The following ZNF30 variants were observed in gnomAD, a reference collection of about 807,000 sequenced individuals.
The protein encoded by ZNF30 is zinc finger protein 30 (KOX 28).
A neutral mutation model predicts 13.2 loss-of-function variants in ZNF30; 15 were observed. That is an observed-to-expected ratio of 1.13 (90% CI 0.76 to 1.75). The LOEUF (loss-of-function observed/expected upper bound fraction) is 1.75, where lower values mean the gene tolerates loss of function less well. Ranked by LOEUF, ZNF30 falls within the 40% of genes most tolerant of loss-of-function variation. ZNF30 has a pLI of 0.00. For synonymous variants in ZNF30, 223 were observed against 256.6 expected, an observed-to-expected ratio of 0.87 and a Z score of 1.25; for missense variants, 726 against 757.0, an observed-to-expected ratio of 0.96 and a Z score of 0.48.
chr19:34,937,605 G>T (rs73593656), intron 4 of ZNF30, among the ~76,000 whole-genome samples: 5,600 of 151,946 alleles, frequency 0.037, 325 homozygotes, highest in African/African-American at 0.13. Context: ...ATAGAGTCAT[G>T]CCCCTGTAGT....
intron 4 of ZNF30, among the ~76,000 whole-genome samples, chr19:34,934,030 A>C (rs1487337089): frequency 1.3e-5 from 2 of 151,784 alleles, no homozygotes; most frequent in Non-Finnish European, 2.9e-5. Flanking sequence ...CCTCTTTTAC[A>C]TTTGGATTTA....
intron 4 of ZNF30, among the ~76,000 whole-genome samples, chr19:34,937,925 A>T (rs566428556): frequency 2.9e-4 from 44 of 152,172 alleles, no homozygotes; most frequent in African/African-American, 1.1e-3. Context: ...CCTCTTGAGT[A>T]GCTGGGACTA....
At chr19:34,934,630 G>T (rs1441196711) in intron 4 of ZNF30, among the ~76,000 whole-genome samples, 1 of 151,978 alleles carries the variant, frequency 6.6e-6, no homozygotes, top group Non-Finnish European at 1.5e-5. Context: ...TCCAATTTTT[G>T]AATTTTAGAA....
rs376465997 is a variant in ZNF30 at position 34,943,635 on chromosome 19, G to A, written c.669G>A (p.Lys223=). 5 of 1,613,722 alleles carry A rather than the reference G, an allele frequency of 3.1e-6. No individual in the cohort carries two copies. The highest frequency in any genetic ancestry group is 4.2e-6 in the Non-Finnish European group (5 of 1,179,806). Residue 223 remains lysine, a synonymous_variant, in exon 5 of 5, where the codon AAG becomes AAA. Transcript: ENST00000601142. ...ISGSYQLTVH[K]SIHTGKKPYE... The stretch of plus-strand genomic sequence containing the variant: ...GTAGCTATCAACTTACAGTACATAA[G>A]AGTATTCATACTGGGAAGAAACCAT...
At chr19:34,930,043 A>T in intron 2 of ZNF30, 87 bp downstream of exon 2, 3 of 1,331,664 alleles carry the variant, frequency 2.3e-6, no homozygotes, top group Non-Finnish European at 2.1e-6. Context: ...CTTCATCAGA[A>T]TGTACCATCT....
At chr19:34,939,332 C>T (rs1051919050) in intron 4 of ZNF30, among the ~76,000 whole-genome samples, 2 of 151,978 alleles carry the variant, frequency 1.3e-5, no homozygotes, top group African/African-American at 4.8e-5. Context: ...CAGGCATGCA[C>T]CACCACACTG....
upstream of ZNF30, among the ~76,000 whole-genome samples, chr19:34,924,670 A>G (rs906961647): frequency 5.3e-5 from 8 of 152,190 alleles, no homozygotes; most frequent in Non-Finnish European, 1.0e-4. Flanking sequence ...TCCGATTGAC[A>G]TGAATTGGGT....
At chr19:34,937,809 A>T (rs745419172) in intron 4 of ZNF30, among the ~76,000 whole-genome samples, 1 of 151,826 alleles carries the variant, frequency 6.6e-6, no homozygotes, top group Non-Finnish European at 1.5e-5. Context: ...ATATATATAT[A>T]TTTTTTCAAG....
intron 4 of ZNF30, among the ~76,000 whole-genome samples, chr19:34,937,183 T>G (rs907401290): frequency 2.0e-5 from 3 of 151,974 alleles, no homozygotes; most frequent in African/African-American, 7.2e-5. Flanking sequence ...GACTAATTTT[T>G]TATATTTTTA....
intron 2 of ZNF30, 27 bp from the exon 3 acceptor site, chr19:34,931,816 T>G: frequency 6.2e-7 from 1 of 1,603,882 alleles, no homozygotes; most frequent in Non-Finnish European, 8.5e-7. Context: ...CCTTTCACCT[T>G]GAAAGCATTT....
chr19:34,943,625 C>A lies in ZNF30; in HGVS notation c.659C>A (p.Thr220Lys). ...GKTISGSYQLTVHKSIHTGKK... is the reference protein window; with the variant it reads ...GKTISGSYQLKVHKSIHTGKK... Reference sequence around the variant, plus strand: ...ACTATTAGTGGTAGCTATCAACTTACAGTACATAAGAGTATTCATACTGGG... The same window carrying A: ...ACTATTAGTGGTAGCTATCAACTTAAAGTACATAAGAGTATTCATACTGGG... The change falls in exon 5 of 5, where the codon ACA becomes AAA. Residue 220 changes from threonine (T) to lysine (K), a missense_variant. Physicochemically the swap from Thr to Lys is moderately conservative, Grantham distance 78. Transcript: ENST00000601142. 6.2e-7 allele frequency: 1 copy of A among 1,613,680 alleles called. No individual in the cohort carries two copies. The highest frequency in any genetic ancestry group is 8.5e-7 in the Non-Finnish European group (1 of 1,179,790).
intron 1 of ZNF30, among the ~76,000 whole-genome samples, chr19:34,928,220 A>AAATATATATATATATATATATAT (rs1555778254): frequency 1.4e-5 from 1 of 73,412 alleles, no homozygotes; most frequent in Non-Finnish European, 2.6e-5. Flanking sequence ...AAAAAAAAAA[A>AAATATATATATATATATATATAT]ATATATATAT....
chr19:34,934,901 A>G (rs754260151), intron 4 of ZNF30, among the ~76,000 whole-genome samples: 10 of 152,134 alleles, frequency 6.6e-5, no homozygotes, highest in Non-Finnish European at 1.5e-4. Context: ...TGCACATTCT[A>G]CACACATATC....
In ZNF30 at chr19:34,944,029, C is replaced by A. The variant is rs1167652553; in HGVS notation, c.1063C>A (p.Leu355Ile). The change falls in exon 5 of 5, where the codon CTT (leucine) becomes ATT (isoleucine). Residue 355 changes from leucine to isoleucine, a missense_variant. Physicochemically the swap from Leu to Ile is conservative, Grantham distance 5 (BLOSUM62 2). Transcript: ENST00000601142. Reference protein sequence around the residue: ...ECKECGKAFRLSSFLHAHQRI... With the variant: ...ECKECGKAFRISSFLHAHQRI... ...TAAGGAATGTGGAAAGGCCTTTAGA[C>A]TTAGTTCCTTCCTTCATGCACATCA... is the stretch of plus-strand genomic sequence containing the variant. 6 of 1,613,648 alleles carry A rather than the reference C, an allele frequency of 3.7e-6. No individual in the cohort carries two copies. Among genetic ancestry groups the A allele is most frequent in the Non-Finnish European group, 5.1e-6 (6 of 1,179,970 alleles).
Position 34,927,165 on chromosome 19 carries a change from C to T in ZNF30, c.-116C>T, listed in dbSNP as rs1409883089. ...CTTGAATTTCTGCAAACGAACACAG[C>T]ACCGGGAGCTCTGCAGACCTGTGTC... On this transcript the variant is annotated 5_prime_UTR_variant, in exon 1 of 5. Coordinates refer to ENST00000601142, the MANE Select transcript of ZNF30 (RefSeq NM_194325.3). 6 of 389,578 alleles carry T rather than the reference C, an allele frequency of 1.5e-5. No individual in the cohort carries two copies. The highest frequency in any genetic ancestry group is 6.4e-4 in the Middle Eastern group (1 of 1,572). 24.1% of individuals were successfully genotyped at this position (389,578 alleles called of 1,614,324 possible).
intron 1 of ZNF30, among the ~76,000 whole-genome samples, chr19:34,928,220 A>AAAAATATATATATATATATATAT (rs1555778254): frequency 1.4e-5 from 1 of 73,416 alleles, no homozygotes; most frequent in Non-Finnish European, 2.6e-5. Context: ...AAAAAAAAAA[A>AAAAATATATATATATATATATAT]ATATATATAT....
chr19:34,928,159 G>T (rs1415789878), intron 1 of ZNF30, among the ~76,000 whole-genome samples: 1 of 147,504 alleles, frequency 6.8e-6, no homozygotes, highest in Non-Finnish European at 1.5e-5. Context: ...AGTGAGTGGA[G>T]ATGGCACCAC....
intron 1 of ZNF30, among the ~76,000 whole-genome samples, chr19:34,928,256 G>GAT (rs1166347710): frequency 4.6e-5 from 2 of 43,914 alleles, no homozygotes; most frequent in African/African-American, 1.8e-4. Flanking sequence ...TATATATATA[G>GAT]ATAGATAGAT....
chr19:34,929,956 TG>T lies in ZNF30; in HGVS notation c.9+1del, dbSNP rs2012357505. 6.2e-7 allele frequency: 1 copy of T among 1,606,466 alleles called. No homozygotes were observed. Among genetic ancestry groups the T allele is most frequent in the African/African-American group, 1.3e-5 (1 of 74,804 alleles). Reference sequence around the variant, plus strand: ...CTTACAATTCTCAAAGCATGGCCCATGTAAGTTGGTGTTTCTTCTTGAAATA... The same window carrying T: ...CTTACAATTCTCAAAGCATGGCCCATTAAGTTGGTGTTTCTTCTTGAAATA... On this transcript the variant is annotated splice_donor_variant, in intron 2 of 4. Coordinates refer to ENST00000601142, the MANE Select transcript of ZNF30 (RefSeq NM_194325.3). LOFTEE classifies it high-confidence loss of function.
Sources: gnomAD v4.1 joint callset for allele counts (sites outside exome capture counted in the v4.1 genomes callset) on GRCh38, gnomAD v4.1.1 for gene constraint, MANE v1.5 for transcripts, NCBI Gene and HGNC (gene_info 2026-07-23, HGNC 2026-07-21) for gene names.